PCSK5: variants seen among roughly 807,000 people sequenced by gnomAD.
The protein encoded by PCSK5 is prohormone convertase 5.
In PCSK5, 129 loss-of-function variants were observed where a neutral mutation model predicts 233.2. The observed-to-expected ratio is 0.55, with a 90% confidence interval of 0.48 to 0.64. PCSK5 has a LOEUF of 0.64. Ranked by LOEUF, PCSK5 falls within the 30% of genes least tolerant of loss-of-function variation. The probability of loss-of-function intolerance (pLI) is 0.00; values close to 1 mark genes in which losing one functional copy is unlikely to be tolerated. For missense variants in PCSK5, 2,076 were observed against 2,430.1 expected (o/e 0.85, Z 3.06); for synonymous variants, 825 against 879.2 (o/e 0.94, Z 1.09).
chr9:76,322,152 G>A (rs1429888310), intron 31 of PCSK5, among the ~76,000 whole-genome samples: 1 of 152,066 alleles, frequency 6.6e-6, no homozygotes, highest in African/African-American at 2.4e-5. Context: ...GTTTCTCCAT[G>A]TTGGTCAGGC....
chr9:76,050,542 A>G (rs975377670), intron 5 of PCSK5, among the ~76,000 whole-genome samples: 4 of 152,206 alleles, frequency 2.6e-5, no homozygotes, highest in African/African-American at 9.6e-5. Flanking sequence ...AATTATAGGA[A>G]AATCAGTTCA....
At chr9:76,043,335 C>CAAAAAAA (rs71372040) in intron 5 of PCSK5, among the ~76,000 whole-genome samples, 2 of 64,012 alleles carry the variant, frequency 3.1e-5, no homozygotes, top group Non-Finnish European at 2.9e-5. Flanking sequence ...GACTCCATCT[C>CAAAAAAA]AAAAAAAAAA....
In PCSK5 at chr9:76,173,495, C is replaced by CTTTTTTTTT. The variant is rs1587715951; in HGVS notation, c.1757-1491_1757-1490insTTTTTTTTT. On this transcript the variant is annotated intron_variant, in intron 13 of 37. Transcript: ENST00000674117. ...ACTTTAATGAAATGGAGGCACGTTT[C>CTTTTTTTTT]CTTTTTTTTTTTTTTTTTTTTTTTT... is the stretch of plus-strand genomic sequence containing the variant. Among the ~76,000 whole-genome samples, 339 of 34,482 alleles carry CTTTTTTTTT rather than the reference C, an allele frequency of 9.8e-3. 18 individuals are homozygous for CTTTTTTTTT. Among genetic ancestry groups the CTTTTTTTTT allele is most frequent in the East Asian group, 0.035 (39 of 1,124 alleles). 22.6% of individuals were successfully genotyped at this position (34,482 alleles called of 152,430 possible).
chr9:75,976,732 A>G (rs1159150598), intron 2 of PCSK5, among the ~76,000 whole-genome samples: 1 of 150,964 alleles, frequency 6.6e-6, no homozygotes, highest in East Asian at 1.9e-4. Flanking sequence ...TTATGTTATT[A>G]TGTTGTAATG....
At chr9:76,312,509 C>CAAAAAAAA (rs754860671) in intron 30 of PCSK5, among the ~76,000 whole-genome samples, 2 of 90,178 alleles carry the variant, frequency 2.2e-5, no homozygotes. Flanking sequence ...AACTCCATCT[C>CAAAAAAAA]AAAAAAAAAA....
chr9:76,244,144 T>C (rs1330289770), intron 24 of PCSK5, among the ~76,000 whole-genome samples: 2 of 152,184 alleles, frequency 1.3e-5, no homozygotes, highest in East Asian at 3.8e-4. Flanking sequence ...GAGGATCACC[T>C]GAGCCTGGGA....
chr9:76,044,311 T>G (rs2131540522), intron 5 of PCSK5, among the ~76,000 whole-genome samples: 1 of 152,300 alleles, frequency 6.6e-6, no homozygotes, highest in East Asian at 1.9e-4. Flanking sequence ...CCATACTGAT[T>G]TATGTTTTAC....
intron 5 of PCSK5, among the ~76,000 whole-genome samples, chr9:76,039,612 G>A (rs1829008597): frequency 6.6e-6 from 1 of 152,174 alleles, no homozygotes; most frequent in South Asian, 2.1e-4. Flanking sequence ...ACCTATAAAA[G>A]CATGCCTATG....
intron 20 of PCSK5, among the ~76,000 whole-genome samples, chr9:76,225,875 AGCAAATG>A (rs1374698481): frequency 6.6e-6 from 1 of 152,210 alleles, no homozygotes; most frequent in Non-Finnish European, 1.5e-5. Context: ...GGCATGGTGA[AGCAAATG>A]GGCTGGATGT....
At chr9:75,920,466 C>T (rs895423385) in intron 1 of PCSK5, among the ~76,000 whole-genome samples, 4 of 152,098 alleles carry the variant, frequency 2.6e-5, no homozygotes, top group African/African-American at 7.2e-5. Flanking sequence ...ATCTTCTCTA[C>T]TCCAAATATT....
chr9:76,304,091 G>A (rs919826598), intron 28 of PCSK5, among the ~76,000 whole-genome samples: 6 of 152,154 alleles, frequency 3.9e-5, no homozygotes, highest in Non-Finnish European at 5.9e-5. Flanking sequence ...AGAATCGCTT[G>A]AACCTGGGAG....
intron 6 of PCSK5, among the ~76,000 whole-genome samples, chr9:76,070,303 A>G (rs1216578487): frequency 6.6e-6 from 1 of 152,152 alleles, no homozygotes; most frequent in East Asian, 1.9e-4. Flanking sequence ...CCCGTCCCCA[A>G]AATTTTTAAT....
intron 2 of PCSK5, among the ~76,000 whole-genome samples, chr9:75,952,774 T>C (rs1824924005): frequency 6.6e-6 from 1 of 152,218 alleles, no homozygotes; most frequent in African/African-American, 2.4e-5. Flanking sequence ...TGAGATTTCA[T>C]CCACGAGGCA....
chr9:76,018,007 CAA>C (rs10694867), intron 3 of PCSK5, among the ~76,000 whole-genome samples: 3 of 120,984 alleles, frequency 2.5e-5, no homozygotes, highest in African/African-American at 3.3e-5. Flanking sequence ...AGGTCTCCTC[CAA>C]AAAAAAAAAA....
chr9:76,057,764 G>A (rs772063897), intron 5 of PCSK5, among the ~76,000 whole-genome samples: 7 of 150,788 alleles, frequency 4.6e-5, no homozygotes, highest in Non-Finnish European at 4.4e-5. Flanking sequence ...TAATAATATG[G>A]TAGAATAAAT....
chr9:76,131,390 A>AT (rs1474539307), intron 9 of PCSK5, among the ~76,000 whole-genome samples: 5 of 152,202 alleles, frequency 3.3e-5, no homozygotes, highest in African/African-American at 9.6e-5. Context: ...TCTTTACTTT[A>AT]TTTTGGTGAA....
chr9:76,055,907 G>T (rs1457195161), intron 5 of PCSK5, among the ~76,000 whole-genome samples: 1 of 152,098 alleles, frequency 6.6e-6, no homozygotes. Context: ...AGCAGAAGGT[G>T]GTAATATGAT....
chr9:76,346,851 A>T (rs997942378), intron 35 of PCSK5, among the ~76,000 whole-genome samples: 2 of 152,216 alleles, frequency 1.3e-5, no homozygotes, highest in African/African-American at 4.8e-5. Flanking sequence ...ATAAGAAATT[A>T]CCAGCTAAAT....
chr9:76,149,982 A>C (rs988278933), intron 10 of PCSK5, among the ~76,000 whole-genome samples: 1 of 152,208 alleles, frequency 6.6e-6, no homozygotes, highest in African/African-American at 2.4e-5. Context: ...AAATGAAACA[A>C]ATAGTAATAA....
Sources: gnomAD v4.1 joint callset for allele counts (sites outside exome capture counted in the v4.1 genomes callset) on GRCh38, gnomAD v4.1.1 for gene constraint, MANE v1.5 for transcripts, NCBI Gene and HGNC (gene_info 2026-07-23, HGNC 2026-07-21) for gene names.